BMPER: variants seen among roughly 807,000 people sequenced by gnomAD.
BMPER encodes the protein BMP-binding endothelial regulator protein.
In BMPER, 45 loss-of-function variants were observed where a neutral mutation model predicts 87.3. The observed-to-expected ratio is 0.52, with a 90% CI of 0.41 to 0.66. BMPER has a LOEUF of 0.66. Among genes scored for constraint, BMPER ranks in the 30% least tolerant of loss-of-function variants. The pLI, the probability that BMPER is intolerant of heterozygous loss-of-function variation, is 0.00. For missense variants in BMPER, 784 were observed against 867.5 expected, an observed-to-expected ratio of 0.90 and a Z score of 1.21; for synonymous variants, 326 against 316.2, an observed-to-expected ratio of 1.03 and a Z score of -0.33.
intron 13 of BMPER, among the ~76,000 whole-genome samples, chr7:34,122,815 A>T (rs1267900229): frequency 6.6e-6 from 1 of 152,154 alleles, no homozygotes; most frequent in Non-Finnish European, 1.5e-5. Flanking sequence ...CATAATGATG[A>T]TTTTCATCCA....
At chr7:34,019,861 C>T (rs1389712851) in intron 6 of BMPER, among the ~76,000 whole-genome samples, 1 of 151,630 alleles carries the variant, frequency 6.6e-6, no homozygotes, top group African/African-American at 2.4e-5. Context: ...CTCCAGAGGC[C>T]AGGAGAATGT....
chr7:34,126,063 TAAAC>T (rs777497961), intron 13 of BMPER, among the ~76,000 whole-genome samples: 181 of 152,214 alleles, frequency 1.2e-3, no homozygotes, highest in Non-Finnish European at 1.2e-3. Flanking sequence ...AATAACCAAA[TAAAC>T]AAAATAATTT....
At chr7:34,063,025 C>A (rs1332288869) in intron 11 of BMPER, among the ~76,000 whole-genome samples, 1 of 152,204 alleles carries the variant, frequency 6.6e-6, no homozygotes, top group Non-Finnish European at 1.5e-5. Context: ...CACATGTAGA[C>A]ACATGCCTAG....
intron 2 of BMPER, among the ~76,000 whole-genome samples, chr7:33,910,086 A>C (rs1783922315): frequency 6.6e-6 from 1 of 152,128 alleles, no homozygotes; most frequent in African/African-American, 2.4e-5. Context: ...CATCTATTTG[A>C]GGGGGTAGGT....
chr7:33,991,502 T>C (rs1453401989), intron 6 of BMPER, among the ~76,000 whole-genome samples: 2 of 152,198 alleles, frequency 1.3e-5, no homozygotes, highest in Non-Finnish European at 2.9e-5. Flanking sequence ...TTGATTCTTC[T>C]CTCTTTTTTT....
At chr7:33,981,927 G>A (rs1033461011) in intron 6 of BMPER, among the ~76,000 whole-genome samples, 10 of 152,218 alleles carry the variant, frequency 6.6e-5, no homozygotes, top group African/African-American at 2.4e-4. Flanking sequence ...AGTTCTGGTG[G>A]CAGGAAGCTG....
At chr7:34,114,802 G>A (rs916097753) in intron 13 of BMPER, among the ~76,000 whole-genome samples, 2 of 152,218 alleles carry the variant, frequency 1.3e-5, no homozygotes, top group African/African-American at 4.8e-5. Flanking sequence ...AGGCCCTGTG[G>A]TAGAAAGGGG....
At chr7:33,937,633 T>C in intron 3 of BMPER, 1 of 514,490 alleles carries the variant, frequency 1.9e-6, no homozygotes, top group South Asian at 2.0e-5. Context: ...TCATATTTGG[T>C]TTGTTTTCTA....
At chr7:33,953,801 T>A (rs1263284684) in intron 3 of BMPER, among the ~76,000 whole-genome samples, 1 of 152,176 alleles carries the variant, frequency 6.6e-6, no homozygotes, top group East Asian at 1.9e-4. Flanking sequence ...ATATCTTCTC[T>A]TTCTCTCCTC....
intron 1 of BMPER, 89 bp downstream of exon 1, chr7:33,905,835 G>C (rs532159143): frequency 8.2e-7 from 1 of 1,224,566 alleles, no homozygotes; most frequent in Non-Finnish European, 1.1e-6. Context: ...GGGATGGGAG[G>C]GTGGGGAGCG....
At chr7:34,074,813 TAAAAAATAGAAAATC>T (rs1788821156) in intron 11 of BMPER, among the ~76,000 whole-genome samples, 1 of 152,210 alleles carries the variant, frequency 6.6e-6, no homozygotes, top group South Asian at 2.1e-4. Context: ...ACATGTTAAG[TAAAAAATAGAAAATC>T]AAATTTCATG....
At chr7:34,015,331 A>G (rs1360097447) in intron 6 of BMPER, among the ~76,000 whole-genome samples, 1 of 152,004 alleles carries the variant, frequency 6.6e-6, no homozygotes, top group African/African-American at 2.4e-5. Flanking sequence ...TGTTGAGTGA[A>G]GATCAGATGA....
chr7:33,906,859 A>G lies in BMPER; in HGVS notation c.175A>G (p.Ile59Val). 4 of 1,613,956 alleles carry G rather than the reference A, an allele frequency of 2.5e-6. No individual in the cohort carries two copies. Among genetic ancestry groups the G allele is most frequent in the South Asian group, 1.1e-5 (1 of 91,068 alleles). Reference protein sequence around the residue: ...KCENEGEVLQIPFITDNPCIM... With the variant: ...KCENEGEVLQVPFITDNPCIM... ...TGAAAATGAAGGTGAAGTCCTCCAG[A>G]TTCCATTTATCACAGACAACCCTTG... The change falls in exon 2 of 15, where the codon ATT (isoleucine) becomes GTT (valine). Residue 59 changes from isoleucine (I) to valine (V), a missense_variant. By Grantham distance (29) the Ile-to-Val change is conservative. Coordinates refer to ENST00000649409, the MANE Select transcript of BMPER (RefSeq NM_001365308.1).
At chr7:33,960,565 T>C (rs555420276) in intron 3 of BMPER, among the ~76,000 whole-genome samples, 64 of 152,350 alleles carry the variant, frequency 4.2e-4, no homozygotes, top group African/African-American at 1.5e-3. Flanking sequence ...ACTCCCAGTT[T>C]GGTTTAATTT....
intron 13 of BMPER, among the ~76,000 whole-genome samples, chr7:34,117,297 T>C (rs1400191212): frequency 1.3e-5 from 2 of 152,190 alleles, no homozygotes; most frequent in African/African-American, 2.4e-5. Context: ...GTTATTTCCA[T>C]TCATCACAGT....
At chr7:33,984,139 C>A (rs1176028545) in intron 6 of BMPER, among the ~76,000 whole-genome samples, 1 of 152,004 alleles carries the variant, frequency 6.6e-6, no homozygotes, top group African/African-American at 2.4e-5. Flanking sequence ...GCAGAGCCAC[C>A]CTTATTGCCT....
At chr7:34,096,990 T>C (rs1012515634) in intron 13 of BMPER, among the ~76,000 whole-genome samples, 2 of 152,232 alleles carry the variant, frequency 1.3e-5, no homozygotes, top group Non-Finnish European at 2.9e-5. Context: ...GTCCTCTAGC[T>C]CACAGAGCTT....
rs536891528 is a variant in BMPER, at chr7:34,065,351, C to T, written c.1078+3304C>T. Among the ~76,000 whole-genome samples the T allele has an allele frequency of 1.1e-4, 16 of 152,062 alleles. No individual in the cohort carries two copies. The South Asian group carries it at 3.3e-3, about 32-fold the overall frequency. On this transcript the variant is annotated intron_variant, in intron 11 of 14. Transcript: ENST00000649409. ...TGTCGTGGGGCTGTCCTGTGCATTG[C>T]AAGATCTTTAACAGCATCCCTGGCC...
At chr7:33,920,805 G>A (rs956870632) in intron 2 of BMPER, among the ~76,000 whole-genome samples, 7 of 152,074 alleles carry the variant, frequency 4.6e-5, no homozygotes, top group African/African-American at 1.7e-4. Flanking sequence ...CACCTGACAT[G>A]TAATGGAAAG....
Sources: gnomAD v4.1 joint callset for allele counts (sites outside exome capture counted in the v4.1 genomes callset) on GRCh38, gnomAD v4.1.1 for gene constraint, MANE v1.5 for transcripts, NCBI Gene and HGNC (gene_info 2026-07-23, HGNC 2026-07-21) for gene names.